Variants in TMED3 observed in about 807,000 individuals in gnomAD.
TMED3 encodes the protein transmembrane p24 trafficking protein 3.
In TMED3, 9 loss-of-function variants were observed where a neutral mutation model predicts 15.0. The ratio of observed to expected loss-of-function variants is 0.60; its 90% CI spans 0.36 to 1.04. TMED3 has a LOEUF of 1.04. Ranked by LOEUF, TMED3 falls within the 50% of genes least tolerant of loss-of-function variation. The pLI is 0.01. For missense variants in TMED3, 267 were observed against 278.9 expected, an observed-to-expected ratio of 0.96 and a Z score of 0.30; for synonymous variants, 117 against 121.4, an observed-to-expected ratio of 0.96 and a Z score of 0.24.
At chr15:79,347,160 A>C (rs2058874204) in intron 2 of TMED3, among the ~76,000 whole-genome samples, 1 of 152,196 alleles carries the variant, frequency 6.6e-6, no homozygotes, top group African/African-American at 2.4e-5. Context: ...ATCCAGCAGC[A>C]CATCAAAAAG....
chr15:79,323,116 C>G (rs1487939239), downstream of TMED3, among the ~76,000 whole-genome samples: 1 of 152,194 alleles, frequency 6.6e-6, no homozygotes, highest in Non-Finnish European at 1.5e-5. Flanking sequence ...TCTGCATGCC[C>G]TGCTCCATCA....
intron 2 of TMED3, among the ~76,000 whole-genome samples, chr15:79,321,258 A>C (rs2141217559): frequency 6.6e-6 from 1 of 152,306 alleles, no homozygotes; most frequent in East Asian, 1.9e-4. Flanking sequence ...TTCTGGAATT[A>C]GGGCGGGGGA....
At chr15:79,341,143 G>A (rs1429663401) in intron 2 of TMED3, among the ~76,000 whole-genome samples, 1 of 130,940 alleles carries the variant, frequency 7.6e-6, no homozygotes, top group Non-Finnish European at 1.5e-5. Context: ...TCAGTGAGCT[G>A]CGATCATGCC....
intron 2 of TMED3, chr15:79,411,352 GT>G: frequency 1.4e-6 from 1 of 699,938 alleles, no homozygotes; most frequent in Non-Finnish European, 2.6e-6. Flanking sequence ...GCAGTTCATG[GT>G]TCCACATTTC....
chr15:79,380,845 A>G (rs1361920852), intron 2 of TMED3, among the ~76,000 whole-genome samples: 1 of 152,136 alleles, frequency 6.6e-6, no homozygotes, highest in East Asian at 1.9e-4. Context: ...AGACAAGCCT[A>G]TGATGCTTTG....
At chr15:79,352,673 A>AAAATAT (rs386383572) in intron 2 of TMED3, among the ~76,000 whole-genome samples, 3 of 141,748 alleles carry the variant, frequency 2.1e-5, no homozygotes, top group South Asian at 2.2e-4. Context: ...AGAAAAAAAA[A>AAAATAT]ATATATATAT....
chr15:79,315,982 C>G (rs1439310972), intron 2 of TMED3: 1 of 152,242 alleles, frequency 6.6e-6, no homozygotes, highest in African/African-American at 2.4e-5. Flanking sequence ...GAAGGCTTCA[C>G]TTGAAAATGT....
At chr15:79,370,051 C>T (rs575874924) in intron 2 of TMED3, among the ~76,000 whole-genome samples, 4 of 152,230 alleles carry the variant, frequency 2.6e-5, no homozygotes, top group African/African-American at 9.6e-5. Context: ...GACGAACTTG[C>T]CCTGTAGGGA....
chr15:79,401,767 C>T (rs971448550), intron 2 of TMED3, among the ~76,000 whole-genome samples: 1 of 152,138 alleles, frequency 6.6e-6, no homozygotes, highest in African/African-American at 2.4e-5. Context: ...GTGGAAGAAT[C>T]AGAAAAGAAG....
intron 2 of TMED3, among the ~76,000 whole-genome samples, chr15:79,373,244 G>T (rs1595903890): frequency 1.3e-5 from 2 of 152,168 alleles, no homozygotes; most frequent in African/African-American, 4.8e-5. Context: ...CTTGGTAATG[G>T]ATAGAAAGGG....
At chr15:79,319,737 G>C (rs770707401) in intron 2 of TMED3, among the ~76,000 whole-genome samples, 1 of 152,142 alleles carries the variant, frequency 6.6e-6, no homozygotes, top group Non-Finnish European at 1.5e-5. Flanking sequence ...TCCAATGATT[G>C]GTAAGGTCAC....
chr15:79,324,492 A>C (rs926361766), downstream of TMED3, among the ~76,000 whole-genome samples: 1 of 152,220 alleles, frequency 6.6e-6, no homozygotes, highest in African/African-American at 2.4e-5. Context: ...CTGAGCATTT[A>C]TTTATGGATG....
intron 2 of TMED3, among the ~76,000 whole-genome samples, chr15:79,402,428 G>A (rs1330565577): frequency 2.0e-5 from 3 of 152,246 alleles, no homozygotes; most frequent in Non-Finnish European, 2.9e-5. Context: ...CCAAGGCTTG[G>A]CACTGCCAAG....
chr15:79,366,913 A>G (rs1283989139), intron 2 of TMED3, among the ~76,000 whole-genome samples: 1 of 151,382 alleles, frequency 6.6e-6, no homozygotes, highest in African/African-American at 2.4e-5. Flanking sequence ...TTTTTCTTTC[A>G]TTAATATACA....
chr15:79,322,246 C>T lies in TMED3; in HGVS notation c.*32C>T. ...CATCCTGCTCTAGGGCCCCTCATGC[C>T]CCAGGCTGGAGCAGCTCTCCTAGGT... On this transcript the variant is annotated 3_prime_UTR_variant, in exon 3 of 3. Transcript: ENST00000299705. The T allele has an allele frequency of 6.3e-7, 1 of 1,594,370 alleles. No homozygotes were observed. The highest frequency in any genetic ancestry group is 8.6e-7 in the Non-Finnish European group (1 of 1,168,762).
chr15:79,324,983 G>A (rs138857782), downstream of TMED3, among the ~76,000 whole-genome samples: 13 of 152,290 alleles, frequency 8.5e-5, no homozygotes, highest in Non-Finnish European at 1.3e-4. Context: ...TTATGCATTG[G>A]TAAACAGAAT....
chr15:79,353,307 T>A (rs11855771), intron 2 of TMED3, among the ~76,000 whole-genome samples: 2 of 33,870 alleles, frequency 5.9e-5, no homozygotes, highest in Admixed American at 5.0e-4. Context: ...ATTATATATA[T>A]TATATATATA....
chr15:79,408,731 T>C (rs1008261447), intron 2 of TMED3, among the ~76,000 whole-genome samples: 6 of 152,190 alleles, frequency 3.9e-5, no homozygotes, highest in Admixed American at 1.3e-4. Flanking sequence ...CTCTAGGGTT[T>C]CATTTTTCTC....
chr15:79,323,603 A>G (rs770266695), downstream of TMED3, among the ~76,000 whole-genome samples: 3 of 152,192 alleles, frequency 2.0e-5, no homozygotes, highest in African/African-American at 7.2e-5. Flanking sequence ...AACATGACCC[A>G]TTGCTTCTGG....
Sources: allele counts gnomAD v4.1 joint callset (sites outside exome capture counted in the v4.1 genomes callset), GRCh38; gene constraint gnomAD v4.1.1; transcripts MANE v1.5; gene names NCBI Gene and HGNC (gene_info 2026-07-23, HGNC 2026-07-21).